MLXIP: variants seen among roughly 807,000 people sequenced by gnomAD.
MLXIP encodes MLX-interacting protein.
Under a neutral mutation model 87.2 loss-of-function variants are expected in MLXIP, and 30 were observed. The observed-to-expected ratio is 0.34, with a 90% CI of 0.26 to 0.47. The LOEUF is 0.47. Ranked by LOEUF, MLXIP falls within the 20% of genes least tolerant of loss-of-function variation. The pLI is 1.00. For synonymous variants in MLXIP, 530 were observed against 514.0 expected, an observed-to-expected ratio of 1.03 and a Z score of -0.42; for missense variants, 1,002 against 1,240.1, an observed-to-expected ratio of 0.81 and a Z score of 2.88.
At chr12:122,109,921 G>A (rs1952577945) in intron 1 of MLXIP, among the ~76,000 whole-genome samples, 1 of 152,178 alleles carries the variant, frequency 6.6e-6, no homozygotes, top group Non-Finnish European at 1.5e-5. Flanking sequence ...AAATAAGCCA[G>A]AATCCTGTGG....
At chr12:122,132,666 T>C (rs896490998) in intron 8 of MLXIP, 1 of 378,930 alleles carries the variant, frequency 2.6e-6, no homozygotes, top group African/African-American at 2.1e-5. Context: ...TAACACAGAA[T>C]TAGCTAGACA....
At chr12:122,120,404 G>A (rs73417676) in intron 1 of MLXIP, among the ~76,000 whole-genome samples, 6,410 of 151,958 alleles carry the variant, frequency 0.042, 413 homozygotes, top group African/African-American at 0.15. Context: ...CTGATTTTTT[G>A]TGGAGATGGT....
chr12:122,136,082 A>G (rs1405669643), intron 11 of MLXIP: 2 of 176,714 alleles, frequency 1.1e-5, no homozygotes, highest in Non-Finnish European at 2.4e-5. Context: ...CTTCCCCAGC[A>G]GGTCTCAGCA....
At chr12:122,131,754 A>T (rs897462444) in intron 7 of MLXIP, among the ~76,000 whole-genome samples, 4 of 151,536 alleles carry the variant, frequency 2.6e-5, no homozygotes, top group Admixed American at 6.6e-5. Context: ...TTTGAGACAG[A>T]GCCTTGCTCT....
intron 1 of MLXIP, among the ~76,000 whole-genome samples, chr12:122,092,649 A>G (rs980176742): frequency 1.3e-5 from 2 of 152,126 alleles, no homozygotes; most frequent in Non-Finnish European, 2.9e-5. Context: ...TATAGGTTAC[A>G]TTCCATTTTA....
chr12:122,081,930 T>TTTG (rs998416092), intron 1 of MLXIP, among the ~76,000 whole-genome samples: 1 of 152,186 alleles, frequency 6.6e-6, no homozygotes, highest in Non-Finnish European at 1.5e-5. Context: ...CACTCTGCTT[T>TTTG]TTGTTGTTGT....
At chr12:122,129,810 A>G in intron 5 of MLXIP, 131 bp from the exon 6 acceptor site, 3 of 1,326,018 alleles carry the variant, frequency 2.3e-6, no homozygotes, top group Non-Finnish European at 2.1e-6. Flanking sequence ...CCGCTCTCCA[A>G]ATGCCTCCAC....
intron 1 of MLXIP, among the ~76,000 whole-genome samples, chr12:122,122,626 C>T (rs567383650): frequency 6.6e-6 from 1 of 152,110 alleles, no homozygotes; most frequent in South Asian, 2.1e-4. Context: ...ACTGTACTCT[C>T]CGCCTCCCAG....
At position 122,133,331 on chromosome 12, in the gene MLXIP, C is replaced by G; in HGVS notation, c.1093-17C>G. ...TGACCCCAGCATTGCTTCCTGGCTC[C>G]TTTCTTCCTTTTTCAGGAGAGCATC... On this transcript the variant is annotated splice_polypyrimidine_tract_variant and intron_variant, in intron 8 of 16. Transcript: ENST00000319080. This position sits in a 1 kb window ranked among gnomAD's most constrained non-coding sequence, Gnocchi z 4.9. 1 of 1,539,110 alleles carries G rather than the reference C, an allele frequency of 6.5e-7. No individual in the cohort carries two copies. Among genetic ancestry groups the G allele is most frequent in the Non-Finnish European group, 8.8e-7 (1 of 1,141,916 alleles).
At chr12:122,134,185 C>CT in intron 9 of MLXIP, 198 bp downstream of exon 9, 1 of 663,738 alleles carries the variant, frequency 1.5e-6, no homozygotes, top group African/African-American at 1.9e-5. Flanking sequence ...TATGCTCTAT[C>CT]TTTTTTGTTT....
chr12:122,098,781 C>T (rs1308998052), intron 1 of MLXIP, among the ~76,000 whole-genome samples: 6 of 152,186 alleles, frequency 3.9e-5, no homozygotes, highest in Admixed American at 2.6e-4. Flanking sequence ...GTGTGGTTTG[C>T]GTCGCTCCGG....
rs1237100443 is a variant in MLXIP, at chr12:122,122,813, G to C, written c.414-4443G>C. 6.6e-5 allele frequency among the ~76,000 whole-genome samples: 10 copies of C among 151,546 alleles called. No homozygotes were observed. In the South Asian group the frequency reaches 1.7e-3, roughly 25 times the overall value. On this transcript the variant is annotated intron_variant, in intron 1 of 16. Transcript: ENST00000319080. ...ACACCCGCCTCGGCCTCCCAAAGTG[G>C]TGGGATTACAGGCGTGAGCTACCGT...
chr12:122,079,354 C>G (rs1952058854), intron 1 of MLXIP, 88 bp downstream of exon 1: 2 of 1,195,308 alleles, frequency 1.7e-6, no homozygotes, highest in Non-Finnish European at 2.4e-6. Flanking sequence ...CTGGCAACCC[C>G]GTGGCTTCAT....
rs192437886 is a variant in MLXIP at position 122,086,150 on chromosome 12, C to T, written c.413+6884C>T. Among the ~76,000 whole-genome samples the T allele has an allele frequency of 1.6e-4, 24 of 152,240 alleles. 1 individual carries two copies. Among genetic ancestry groups the T allele is most frequent in the African/African-American group, 5.8e-4 (24 of 41,542 alleles). Reference sequence around the variant, plus strand: ...GAAAAGGCGAGGGGACGGGTTCTCCCCCAGAGCTTCTGGGAAGAACGCAGC... The same window carrying T: ...GAAAAGGCGAGGGGACGGGTTCTCCTCCAGAGCTTCTGGGAAGAACGCAGC... On this transcript the variant is annotated intron_variant, in intron 1 of 16. Transcript: ENST00000319080.
In MLXIP at chr12:122,086,286, C is replaced by T. The variant is rs140020886; in HGVS notation, c.413+7020C>T. On this transcript the variant is annotated intron_variant, in intron 1 of 16. Coordinates refer to ENST00000319080, the MANE Select transcript of MLXIP (RefSeq NM_014938.6). Reference sequence around the variant, plus strand: ...TTGCGGTAATTTGTTACAGTGACAACAGGAAACTCATCTTCACTCTTCTCC... The same window carrying T: ...TTGCGGTAATTTGTTACAGTGACAATAGGAAACTCATCTTCACTCTTCTCC... 3.3e-5 allele frequency among the ~76,000 whole-genome samples: 5 copies of T among 150,372 alleles called. No individual in the cohort carries two copies. The East Asian group carries it at 9.8e-4, about 30-fold the overall frequency.
intron 1 of MLXIP, among the ~76,000 whole-genome samples, chr12:122,101,359 C>T (rs1207493443): frequency 6.6e-6 from 1 of 150,826 alleles, no homozygotes; most frequent in East Asian, 1.9e-4. Context: ...TTTTCCTGTG[C>T]CCATGTAGGT....
Position 122,132,332 on chromosome 12 carries a change from A to G in MLXIP, c.1041A>G (p.Leu347=). 2 of 1,613,228 alleles carry G rather than the reference A, an allele frequency of 1.2e-6. No individual in the cohort carries two copies. Among genetic ancestry groups the G allele is most frequent in the East Asian group, 4.5e-5 (2 of 44,852 alleles). The change falls in exon 8 of 17, where the codon CTA becomes CTG. Residue 347 remains leucine, a synonymous_variant. Transcript: ENST00000319080. ...SSSRSIFGSM[L]PASASAPVPD... ...GCCGCTCCATTTTTGGCTCCATGCT[A>G]CCTGCATCTGCCTCAGCACCTGTAC...
Position 122,137,762 on chromosome 12 carries a change from G to A in MLXIP, c.2154+172G>A, listed in dbSNP as rs529589980. On this transcript the variant is annotated intron_variant, in intron 12 of 16. Transcript: ENST00000319080. The surrounding 1 kb of genome is among the most constrained non-coding windows in gnomAD (Gnocchi z 4.1). ...CCATGCCACGAACCAGCCCTGTGGG[G>A]ATGGTGGGCCCCCTGGAGGCTTTTG... The A allele has an allele frequency of 1.7e-6, 1 of 593,536 alleles. No individual in the cohort carries two copies. The highest frequency in any genetic ancestry group is 6.3e-5 in the Admixed American group (1 of 15,808). 36.8% of individuals were successfully genotyped at this position (593,536 alleles called of 1,614,324 possible).
At position 122,130,072 on chromosome 12, in the gene MLXIP, T is replaced by C. The variant is rs756794783; in HGVS notation, c.870T>C (p.Ser290=). 6.2e-7 allele frequency: 1 copy of C among 1,613,932 alleles called. No homozygotes were observed. Among genetic ancestry groups the C allele is most frequent in the Non-Finnish European group, 8.5e-7 (1 of 1,179,862 alleles). Residue 290 remains serine (S), a synonymous_variant, in exon 6 of 17, where the codon TCT becomes TCC. Transcript: ENST00000319080. ...GCGACACCCTCTTCTCCACACTTTCTTCACACCAGCCGGTGGCCTGGCCCA... is the reference window on the plus strand; with the variant it reads ...GCGACACCCTCTTCTCCACACTTTCCTCACACCAGCCGGTGGCCTGGCCCA... ...EFSDTLFSTL[S]SHQPVAWPNP... is the part of the protein sequence containing the mutation.
Sources: allele counts gnomAD v4.1 joint callset (sites outside exome capture counted in the v4.1 genomes callset), GRCh38; gene constraint gnomAD v4.1.1; non-coding constraint Gnocchi (gnomAD v3.1); transcripts MANE v1.5; gene names NCBI Gene and HGNC (gene_info 2026-07-23, HGNC 2026-07-21).